PARD3B: variants seen among roughly 807,000 people sequenced by gnomAD.
The protein encoded by PARD3B is par-3 family cell polarity regulator beta, also known as partitioning defective 3 homolog B.
In PARD3B, 103 loss-of-function variants were observed where a neutral mutation model predicts 130.2. The ratio of observed to expected loss-of-function variants is 0.79; its 90% confidence interval spans 0.67 to 0.93. The LOEUF (loss-of-function observed/expected upper bound fraction) is 0.93, where lower values mean the gene tolerates loss of function less well. PARD3B is among the 40% of genes least tolerant of loss of function. PARD3B has a pLI of 0.00. For synonymous variants in PARD3B, 583 were observed against 553.2 expected (o/e 1.05, Z -0.76); for missense variants, 1,609 against 1,499.2 (o/e 1.07, Z -1.21).
intron 1 of PARD3B, among the ~76,000 whole-genome samples, chr2:204,551,861 G>A (rs1302287839): frequency 6.6e-6 from 1 of 152,156 alleles, no homozygotes; most frequent in Admixed American, 6.5e-5. Context: ...CATCTGAGGA[G>A]TGTGTTAAAC....
intron 18 of PARD3B, chr2:205,347,848 T>C (rs1394478310): frequency 6.6e-6 from 1 of 152,194 alleles, no homozygotes; most frequent in African/African-American, 2.4e-5. Flanking sequence ...TGGGTAACAG[T>C]AGCCAGAGTT....
chr2:205,515,974 G>A (rs889171915), intron 21 of PARD3B, among the ~76,000 whole-genome samples: 1 of 151,840 alleles, frequency 6.6e-6, no homozygotes, highest in African/African-American at 2.4e-5. Flanking sequence ...GATGATTTTT[G>A]TATATAAGGA....
intron 11 of PARD3B, among the ~76,000 whole-genome samples, chr2:205,161,656 G>A (rs531155918): frequency 1.3e-5 from 2 of 152,150 alleles, no homozygotes; most frequent in African/African-American, 4.8e-5. Flanking sequence ...TCCCTGTTGA[G>A]AGGATACACA....
At chr2:205,597,418 A>G (rs1205526949) in intron 22 of PARD3B, among the ~76,000 whole-genome samples, 1 of 152,160 alleles carries the variant, frequency 6.6e-6, no homozygotes, top group Non-Finnish European at 1.5e-5. Flanking sequence ...TTCTTTATCC[A>G]GTCCAGAGTT....
At chr2:205,355,539 C>A (rs35614929) in intron 18 of PARD3B, among the ~76,000 whole-genome samples, 90,379 of 151,516 alleles carry the variant, frequency 0.6, 30,426 homozygotes, top group South Asian at 0.77. Flanking sequence ...CCTTTTCTGA[C>A]TCTCGCATGT....
intron 10 of PARD3B, among the ~76,000 whole-genome samples, chr2:205,138,449 C>T (rs777208088): frequency 7.2e-5 from 11 of 152,154 alleles, no homozygotes; most frequent in African/African-American, 2.4e-5. Context: ...CTCTTTTAGA[C>T]ATCTACAATC....
intron 22 of PARD3B, among the ~76,000 whole-genome samples, chr2:205,611,601 G>A (rs1038448953): frequency 6.6e-6 from 1 of 152,078 alleles, no homozygotes; most frequent in African/African-American, 2.4e-5. Context: ...GCCTGAGATA[G>A]TTCCTATCAG....
At chr2:205,035,829 C>CTA (rs58188573) in intron 3 of PARD3B, among the ~76,000 whole-genome samples, 8 of 18,624 alleles carry the variant, frequency 4.3e-4, no homozygotes, top group African/African-American at 1.3e-3. Flanking sequence ...ATCTATATAT[C>CTA]TATATATATA....
chr2:205,133,771 A>G (rs1478503916), intron 10 of PARD3B, among the ~76,000 whole-genome samples: 1 of 152,168 alleles, frequency 6.6e-6, no homozygotes, highest in African/African-American at 2.4e-5. Context: ...ATTACCCCTG[A>G]TTCATTTAGG....
intron 18 of PARD3B, among the ~76,000 whole-genome samples, chr2:205,384,074 G>T (rs1281509587): frequency 6.6e-6 from 1 of 151,946 alleles, no homozygotes; most frequent in Non-Finnish European, 1.5e-5. Context: ...CTTATTTACT[G>T]TGGTTACTTG....
chr2:204,986,770 G>A (rs895661250), intron 3 of PARD3B, among the ~76,000 whole-genome samples: 9 of 152,078 alleles, frequency 5.9e-5, no homozygotes, highest in Non-Finnish European at 8.8e-5. Flanking sequence ...TTTGACAGAC[G>A]CTTGATGGAC....
chr2:205,549,842 G>A (rs917099886), intron 21 of PARD3B, among the ~76,000 whole-genome samples: 2 of 152,178 alleles, frequency 1.3e-5, no homozygotes, highest in African/African-American at 4.8e-5. Context: ...GCACACTGGT[G>A]GGCATGCGGG....
intron 1 of PARD3B, among the ~76,000 whole-genome samples, chr2:204,591,665 T>C (rs1233607760): frequency 1.3e-5 from 2 of 152,206 alleles, no homozygotes; most frequent in Non-Finnish European, 2.9e-5. Context: ...GCAAATGGTA[T>C]GTACAAGTGT....
chr2:204,999,655 G>T (rs969600975), intron 3 of PARD3B, among the ~76,000 whole-genome samples: 3 of 152,112 alleles, frequency 2.0e-5, no homozygotes, highest in Non-Finnish European at 2.9e-5. Flanking sequence ...CATTAAAGTG[G>T]TCTTCTTAAT....
At chr2:204,787,973 G>A (rs553964498) in intron 2 of PARD3B, among the ~76,000 whole-genome samples, 11 of 152,210 alleles carry the variant, frequency 7.2e-5, no homozygotes, top group East Asian at 3.9e-4. Context: ...CTGCACTTCC[G>A]TACAGTATCT....
intron 2 of PARD3B, among the ~76,000 whole-genome samples, chr2:204,838,982 T>C (rs550423625): frequency 7.9e-6 from 1 of 126,510 alleles, no homozygotes; most frequent in East Asian, 2.3e-4. Flanking sequence ...GATCATAAGT[T>C]GAGGAAAGAG....
rs910670698 is a variant in PARD3B, at chr2:205,157,691, G to C, written c.1435-1031G>C. 4.0e-4 allele frequency among the ~76,000 whole-genome samples: 61 copies of C among 152,128 alleles called. 3 individuals are homozygous for C. The highest frequency in any genetic ancestry group is 2.9e-5 in the Non-Finnish European group (2 of 68,028). Reference sequence around the variant, plus strand: ...TGTGACCTTAAGATGGGAGTCTCTAGATATAATTATAGAGAGGAAGGAACC... The same window carrying C: ...TGTGACCTTAAGATGGGAGTCTCTACATATAATTATAGAGAGGAAGGAACC... On this transcript the variant is annotated intron_variant, in intron 10 of 22. Coordinates refer to ENST00000406610, the MANE Select transcript of PARD3B (RefSeq NM_001302769.2).
At chr2:204,703,699 T>A (rs1245160125) in intron 2 of PARD3B, among the ~76,000 whole-genome samples, 2 of 152,118 alleles carry the variant, frequency 1.3e-5, no homozygotes, top group African/African-American at 4.8e-5. Context: ...GGCATTTCAT[T>A]TTAGAGGGGT....
intron 21 of PARD3B, among the ~76,000 whole-genome samples, chr2:205,508,262 G>T (rs1010360102): frequency 3.3e-5 from 5 of 152,176 alleles, no homozygotes; most frequent in African/African-American, 4.8e-5. Context: ...ATGGGGTAAA[G>T]AATTAGAGCC....
Sources: allele counts gnomAD v4.1 joint callset (sites outside exome capture counted in the v4.1 genomes callset), GRCh38; gene constraint gnomAD v4.1.1; transcripts MANE v1.5; gene names NCBI Gene and HGNC (gene_info 2026-07-23, HGNC 2026-07-21).